Variants in NELL1 observed in about 807,000 individuals in gnomAD.
NELL1 encodes the protein protein kinase C-binding protein NELL1.
In NELL1, 76 loss-of-function variants were observed where a neutral mutation model predicts 107.4. The ratio of observed to expected loss-of-function variants is 0.71; its 90% confidence interval spans 0.59 to 0.86. The LOEUF is 0.86. Among genes scored for constraint, NELL1 ranks in the 40% least tolerant of loss-of-function variants. The pLI, the probability that NELL1 is intolerant of heterozygous loss-of-function variation, is 0.00. For missense variants in NELL1, 1,024 were observed against 1,005.5 expected, an observed-to-expected ratio of 1.02 and a Z score of -0.25; for synonymous variants, 353 against 341.2, an observed-to-expected ratio of 1.03 and a Z score of -0.38.
intron 18 of NELL1, among the ~76,000 whole-genome samples, chr11:21,571,380 C>T (rs974526513): frequency 2.0e-5 from 3 of 151,752 alleles, no homozygotes; most frequent in Admixed American, 1.3e-4. Flanking sequence ...TAAATGTGGT[C>T]CTCCCACATA....
chr11:20,755,542 T>TTTTA (rs1856246312), intron 2 of NELL1, among the ~76,000 whole-genome samples: 1 of 39,846 alleles, frequency 2.5e-5, no homozygotes, highest in Non-Finnish European at 5.5e-5. Flanking sequence ...GGGTTTTTGT[T>TTTTA]TTTTTTTGTT....
intron 12 of NELL1, among the ~76,000 whole-genome samples, chr11:21,038,998 A>G (rs1366532274): frequency 6.6e-6 from 1 of 152,186 alleles, no homozygotes; most frequent in Non-Finnish European, 1.5e-5. Context: ...AAAAGTACTC[A>G]GACTAACCAC....
intron 12 of NELL1, among the ~76,000 whole-genome samples, chr11:20,977,321 G>A (rs1851657920): frequency 6.7e-6 from 1 of 149,400 alleles, no homozygotes; most frequent in African/African-American, 2.5e-5. Flanking sequence ...CTGGAGTGCA[G>A]TGGTGCCATA....
At chr11:20,755,555 T>TA (rs1564895047) in intron 2 of NELL1, among the ~76,000 whole-genome samples, 1 of 18,372 alleles carries the variant, frequency 5.4e-5, no homozygotes, top group Non-Finnish European at 2.0e-4. Flanking sequence ...TTTTTGTTTT[T>TA]GTTTTTGTTT....
chr11:20,833,416 T>G (rs1335482969), intron 3 of NELL1, among the ~76,000 whole-genome samples: 2 of 152,174 alleles, frequency 1.3e-5, no homozygotes, highest in Admixed American at 1.3e-4. Context: ...CAATCAGCAC[T>G]AAGGCATGCC....
At chr11:20,916,594 T>G (rs1337582129) in intron 5 of NELL1, among the ~76,000 whole-genome samples, 1 of 151,902 alleles carries the variant, frequency 6.6e-6, no homozygotes, top group East Asian at 1.9e-4. Flanking sequence ...TATCCTTTTC[T>G]GTACATATAC....
At chr11:21,178,647 C>G (rs1465004904) in intron 13 of NELL1, among the ~76,000 whole-genome samples, 1 of 151,068 alleles carries the variant, frequency 6.6e-6, no homozygotes, top group Admixed American at 6.6e-5. Flanking sequence ...GCCTGGAGCC[C>G]CAGCTACTCA....
chr11:21,514,362 G>A (rs1423634009), intron 15 of NELL1, among the ~76,000 whole-genome samples: 1 of 152,182 alleles, frequency 6.6e-6, no homozygotes, highest in Non-Finnish European at 1.5e-5. Flanking sequence ...TTAGAGGTGT[G>A]CCAGCCAAAG....
intron 12 of NELL1, among the ~76,000 whole-genome samples, chr11:21,106,533 T>C (rs1854973647): frequency 6.6e-6 from 1 of 152,190 alleles, no homozygotes. Context: ...TGTCACTTTT[T>C]ATTACCATTG....
chr11:20,968,869 G>C (rs1851438550), intron 12 of NELL1, among the ~76,000 whole-genome samples: 1 of 151,932 alleles, frequency 6.6e-6, no homozygotes, highest in African/African-American at 2.4e-5. Flanking sequence ...TATGGGCCAG[G>C]GCTGTTCACA....
At position 21,520,256 on chromosome 11, in the gene NELL1, C is replaced by T. The variant is rs140616482; in HGVS notation, c.1646-14118C>T. Among the ~76,000 whole-genome samples, 23 of 152,218 alleles carry T rather than the reference C, an allele frequency of 1.5e-4. No homozygotes were observed. The East Asian group carries it at 4.3e-3, about 28-fold the overall frequency. Reference sequence around the variant, plus strand: ...CATTCCAATAGTTTCTGAGGAACAACCCCTTCTAAATTCTCAGTTTAAGAT... The same window carrying T: ...CATTCCAATAGTTTCTGAGGAACAATCCCTTCTAAATTCTCAGTTTAAGAT... On this transcript the variant is annotated intron_variant, in intron 15 of 19. Coordinates refer to ENST00000357134, the MANE Select transcript of NELL1 (RefSeq NM_006157.5).
intron 12 of NELL1, among the ~76,000 whole-genome samples, chr11:20,997,856 T>C (rs1852125722): frequency 6.6e-6 from 1 of 152,052 alleles, no homozygotes. Flanking sequence ...CCTGTAGTCT[T>C]AGCTGCTCAG....
At chr11:21,113,742 T>G (rs774170007) in intron 13 of NELL1, 28 bp downstream of exon 13, 2 of 1,606,704 alleles carry the variant, frequency 1.2e-6, no homozygotes, top group Non-Finnish European at 1.7e-6. Flanking sequence ...GTGTTGTTTT[T>G]TTAATTCATC....
intron 12 of NELL1, among the ~76,000 whole-genome samples, chr11:21,043,335 GAGAAA>G (rs1305909630): frequency 6.6e-6 from 1 of 152,126 alleles, no homozygotes; most frequent in Non-Finnish European, 1.5e-5. Flanking sequence ...GATATTAAAT[GAGAAA>G]AGAAACAAAT....
chr11:21,380,594 T>C (rs1243172768), intron 15 of NELL1, among the ~76,000 whole-genome samples: 2 of 152,056 alleles, frequency 1.3e-5, no homozygotes, highest in African/African-American at 4.8e-5. Flanking sequence ...AGATCCAGCA[T>C]ACTTCCCTTG....
intron 13 of NELL1, among the ~76,000 whole-genome samples, chr11:21,125,775 AAATAGATCC>A (rs1267979375): frequency 6.6e-6 from 1 of 152,226 alleles, no homozygotes; most frequent in Non-Finnish European, 1.5e-5. Flanking sequence ...GTTGCTTGAG[AAATAGATCC>A]ATCTCCATTT....
intron 13 of NELL1, among the ~76,000 whole-genome samples, chr11:21,226,559 C>G (rs1857897530): frequency 2.0e-5 from 3 of 151,972 alleles, no homozygotes. Flanking sequence ...TATAATATGC[C>G]TAAAATATTG....
rs201023033 is a variant in NELL1, at chr11:21,490,056, AC to A, written c.1646-44317del. On this transcript the variant is annotated intron_variant, in intron 15 of 19. Coordinates refer to ENST00000357134, the MANE Select transcript of NELL1 (RefSeq NM_006157.5). ...ACATCTAGAAAAACCTAAAGACACCACAAAAAAATCTCCTACATTTGATATA... is the reference window on the plus strand; with the variant it reads ...ACATCTAGAAAAACCTAAAGACACCAAAAAAAATCTCCTACATTTGATATA... Among the ~76,000 whole-genome samples, 1,037 of 152,232 alleles carry A rather than the reference AC, an allele frequency of 6.8e-3. 15 individuals are homozygous for A. Among genetic ancestry groups the A allele is most frequent in the African/African-American group, 0.024 (984 of 41,578 alleles).
chr11:21,258,621 C>A (rs1858829028), intron 14 of NELL1, among the ~76,000 whole-genome samples: 1 of 151,764 alleles, frequency 6.6e-6, no homozygotes, highest in South Asian at 2.1e-4. Context: ...AGATATGGCC[C>A]ACCTAGGTAA....
Sources: allele counts gnomAD v4.1 joint callset (sites outside exome capture counted in the v4.1 genomes callset), GRCh38; gene constraint gnomAD v4.1.1; transcripts MANE v1.5; gene names NCBI Gene and HGNC (gene_info 2026-07-23, HGNC 2026-07-21).